The following DCLK1 variants were observed in gnomAD, a reference collection of about 807,000 sequenced individuals.
DCLK1 encodes serine/threonine-protein kinase DCLK1.
DCLK1 carries 16 observed loss-of-function variants against 86.2 expected under a neutral mutation model. The ratio of observed to expected loss-of-function variants is 0.19; its 90% confidence interval spans 0.13 to 0.28. The LOEUF is 0.28. Among genes scored for constraint, DCLK1 ranks in the 10% least tolerant of loss-of-function variants. The pLI is 1.00. For missense variants in DCLK1, 590 were observed against 940.2 expected (o/e 0.63, Z 4.87); for synonymous variants, 369 against 370.5 (o/e 1.00, Z 0.05).
intron 3 of DCLK1, among the ~76,000 whole-genome samples, chr13:35,971,632 G>A (rs1356622506): frequency 6.6e-6 from 1 of 152,124 alleles, no homozygotes; most frequent in African/African-American, 2.4e-5. Context: ...GCATGGTGAT[G>A]GATGCCTGTA....
chr13:35,774,946 C>A (rs1353397488), intron 16 of DCLK1, among the ~76,000 whole-genome samples: 3 of 152,036 alleles, frequency 2.0e-5, no homozygotes, highest in Non-Finnish European at 4.4e-5. Context: ...TGGGTTTGAC[C>A]CTTCCCCACT....
At chr13:35,988,115 C>CCCAGCCCTT (rs1380462272) in intron 3 of DCLK1, among the ~76,000 whole-genome samples, 1 of 152,198 alleles carries the variant, frequency 6.6e-6, no homozygotes, top group Non-Finnish European at 1.5e-5. Flanking sequence ...GGCTGGAAGA[C>CCCAGCCCTT]CCAGCCCCAC....
chr13:36,000,950 AT>A (rs11449048), intron 3 of DCLK1, among the ~76,000 whole-genome samples: 22,127 of 146,352 alleles, frequency 0.15, 1,600 homozygotes, highest in Middle Eastern at 0.18. Context: ...TGCATAACTG[AT>A]TTTTTTTTTT....
chr13:35,919,112 G>A (rs930541642), intron 4 of DCLK1, among the ~76,000 whole-genome samples: 7 of 151,906 alleles, frequency 4.6e-5, no homozygotes, highest in Non-Finnish European at 1.0e-4. Context: ...GGCTGGTCTC[G>A]AACTCCTGAC....
intron 2 of DCLK1, among the ~76,000 whole-genome samples, chr13:36,117,744 G>T (rs1885839251): frequency 6.6e-6 from 1 of 152,180 alleles, no homozygotes; most frequent in South Asian, 2.1e-4. Context: ...ACCTAACTTA[G>T]CCACTCTGGG....
intron 10 of DCLK1, among the ~76,000 whole-genome samples, chr13:35,827,188 T>C (rs1280893314): frequency 1.3e-5 from 2 of 152,208 alleles, no homozygotes; most frequent in Non-Finnish European, 2.9e-5. Flanking sequence ...AGTGCTATTT[T>C]CCCATTATGT....
intron 12 of DCLK1, among the ~76,000 whole-genome samples, chr13:35,810,012 G>A (rs1240038838): frequency 1.3e-5 from 2 of 152,136 alleles, no homozygotes; most frequent in African/African-American, 4.8e-5. Flanking sequence ...CCTCCCCTCA[G>A]TGCCCCACCC....
rs1454521894 is a variant in DCLK1, at chr13:35,772,937, A to G, written c.*1598T>C. ...TTTTAAGACTCTCAGGTATTAAAGTATATTCAAAACAGAGAACATAGGTAC... is the reference window on the plus strand; with the variant it reads ...TTTTAAGACTCTCAGGTATTAAAGTGTATTCAAAACAGAGAACATAGGTAC... On this transcript the variant is annotated 3_prime_UTR_variant, in exon 17 of 17. Coordinates refer to ENST00000360631, the MANE Select transcript of DCLK1 (RefSeq NM_001330071.2). 4.6e-5 allele frequency: 7 copies of G among 152,354 alleles called. No homozygotes were observed. The highest frequency in any genetic ancestry group is 1.4e-4 in the African/African-American group (6 of 41,588). The allele number at this position is 152,354 out of a possible 1,614,324, so 9.4% of individuals were successfully genotyped here. A position where few individuals can be genotyped will look rare whatever the true frequency, so the allele number is the denominator to read the frequency against.
intron 3 of DCLK1, among the ~76,000 whole-genome samples, chr13:36,080,646 T>G (rs553331799): frequency 6.6e-6 from 1 of 152,216 alleles, no homozygotes; most frequent in African/African-American, 2.4e-5. Flanking sequence ...TATTTCAATA[T>G]GTAGCCTGCC....
chr13:36,113,723 A>G (rs1218245009), intron 2 of DCLK1, among the ~76,000 whole-genome samples: 1 of 152,162 alleles, frequency 6.6e-6, no homozygotes, highest in African/African-American at 2.4e-5. Flanking sequence ...AAACCTCATT[A>G]GGTTTTTCTG....
chr13:35,778,278 A>G (rs571109817), intron 16 of DCLK1, among the ~76,000 whole-genome samples: 1 of 152,290 alleles, frequency 6.6e-6, no homozygotes, highest in African/African-American at 2.4e-5. Context: ...CAGCCTTTGC[A>G]ATGTGCTTCC....
intron 3 of DCLK1, among the ~76,000 whole-genome samples, chr13:36,018,780 T>C (rs1054516585): frequency 6.6e-6 from 1 of 152,196 alleles, no homozygotes; most frequent in Admixed American, 6.5e-5. Flanking sequence ...CAAATGTTTC[T>C]TTCATCCATA....
chr13:36,072,282 C>T (rs1039377627), intron 3 of DCLK1, among the ~76,000 whole-genome samples: 7 of 152,190 alleles, frequency 4.6e-5, no homozygotes, highest in Non-Finnish European at 4.4e-5. Flanking sequence ...GATATGCTTT[C>T]AGGGCATGCC....
intron 3 of DCLK1, among the ~76,000 whole-genome samples, chr13:36,002,891 A>C (rs879303466): frequency 6.6e-6 from 1 of 152,226 alleles, no homozygotes; most frequent in Non-Finnish European, 1.5e-5. Context: ...TTCAACTCTA[A>C]GGAAAGCTAT....
intron 4 of DCLK1, among the ~76,000 whole-genome samples, chr13:35,890,401 T>C (rs1290564352): frequency 1.3e-5 from 2 of 152,216 alleles, no homozygotes; most frequent in East Asian, 1.9e-4. Context: ...ATTTACAATA[T>C]TGGCCTATTT....
chr13:36,083,457 A>C (rs730904), intron 3 of DCLK1, among the ~76,000 whole-genome samples: 1 of 151,966 alleles, frequency 6.6e-6, no homozygotes, highest in Non-Finnish European at 1.5e-5. Context: ...TCACTACACA[A>C]TGATAATTAA....
intron 3 of DCLK1, among the ~76,000 whole-genome samples, chr13:36,074,302 A>C (rs1884087580): frequency 6.6e-6 from 1 of 151,962 alleles, no homozygotes; most frequent in African/African-American, 2.4e-5. Context: ...GGAGATCGAG[A>C]CCTTCCCGGC....
At chr13:35,820,786 A>T (rs905930831) in intron 11 of DCLK1, among the ~76,000 whole-genome samples, 1 of 152,206 alleles carries the variant, frequency 6.6e-6, no homozygotes, top group Non-Finnish European at 1.5e-5. Context: ...GAATATGTTT[A>T]GGCTACTGTG....
intron 3 of DCLK1, among the ~76,000 whole-genome samples, chr13:36,070,344 GTACTC>G (rs1411436689): frequency 6.6e-6 from 1 of 152,154 alleles, no homozygotes; most frequent in African/African-American, 2.4e-5. Context: ...AAAGGGCTGA[GTACTC>G]TATAAACGTA....
Sources: gnomAD v4.1 joint callset for allele counts (sites outside exome capture counted in the v4.1 genomes callset) on GRCh38, gnomAD v4.1.1 for gene constraint, MANE v1.5 for transcripts, NCBI Gene and HGNC (gene_info 2026-07-23, HGNC 2026-07-21) for gene names.